The following AGAP1 variants were observed in gnomAD, a reference collection of about 807,000 sequenced individuals.
AGAP1 encodes the protein ArfGAP with GTPase domain, ankyrin repeat and PH domain 1.
AGAP1 carries 29 observed loss-of-function variants against 105.3 expected under a neutral mutation model. The observed-to-expected ratio is 0.28, with a 90% CI of 0.21 to 0.38. The LOEUF (loss-of-function observed/expected upper bound fraction) is 0.38. Among genes scored for constraint, AGAP1 ranks in the 10% least tolerant of loss-of-function variants. AGAP1 has a pLI of 1.00. For missense variants in AGAP1, 998 were observed against 1,165.1 expected (o/e 0.86, Z 2.09); for synonymous variants, 509 against 485.9 (o/e 1.05, Z -0.63).
chr2:235,684,035 CTTTT>C (rs139577153), intron 1 of AGAP1, among the ~76,000 whole-genome samples: 5,582 of 151,866 alleles, frequency 0.037, 272 homozygotes, highest in African/African-American at 0.1. Flanking sequence ...TGAACTCATC[CTTTT>C]TTTGTTTGTT....
intron 1 of AGAP1, among the ~76,000 whole-genome samples, chr2:235,661,242 G>A (rs1947938511): frequency 1.3e-5 from 2 of 152,094 alleles, no homozygotes; most frequent in Non-Finnish European, 2.9e-5. Context: ...GCGGAGGAGA[G>A]GCTTTTGTTG....
chr2:235,530,123 C>T (rs1246605381), intron 1 of AGAP1, among the ~76,000 whole-genome samples: 1 of 152,106 alleles, frequency 6.6e-6, no homozygotes, highest in Admixed American at 6.5e-5. Context: ...CAGTAAAACT[C>T]CCCGTAGGAC....
intron 16 of AGAP1, among the ~76,000 whole-genome samples, chr2:236,102,598 A>G (rs560162817): frequency 1.6e-4 from 22 of 135,716 alleles, no homozygotes; most frequent in South Asian, 4.5e-4. Flanking sequence ...AAAAAAAAAA[A>G]AAAGAAAGAA....
rs926674372 is a variant in AGAP1, at chr2:235,951,468, A to T, written c.1484-16994A>T. ...CTCTTACTTGCCCAAAGCTTAGTCA[A>T]AATTATGAGATTTCCTCTGAACTTT... On this transcript the variant is annotated intron_variant, in intron 12 of 17. Coordinates refer to ENST00000304032, the MANE Select transcript of AGAP1 (RefSeq NM_001037131.3). This position sits in a 1 kb window ranked among gnomAD's most constrained non-coding sequence, Gnocchi z 4.2. 6.6e-6 allele frequency among the ~76,000 whole-genome samples: 1 copy of T among 152,198 alleles called. No homozygotes were observed. The highest frequency in any genetic ancestry group is 2.4e-5 in the African/African-American group (1 of 41,446).
rs1309676910 is a variant in AGAP1 at position 236,080,185 on chromosome 2, A to C, written c.2114+30904A>C. Among the ~76,000 whole-genome samples, 1 of 152,192 alleles carries C rather than the reference A, an allele frequency of 6.6e-6. No individual in the cohort carries two copies. The highest frequency in any genetic ancestry group is 1.9e-4 in the East Asian group (1 of 5,186). On this transcript the variant is annotated intron_variant, in intron 16 of 17. Transcript: ENST00000304032. The surrounding 1 kb of genome is among the most constrained non-coding windows in gnomAD (Gnocchi z 4.2). ...TGCTCTGGAGGGAGATGCTATCTCCATCATCCAAGGCTGTTTCCTGTGCAT... is the reference window on the plus strand; with the variant it reads ...TGCTCTGGAGGGAGATGCTATCTCCCTCATCCAAGGCTGTTTCCTGTGCAT...
rs1157094808 is a variant in AGAP1, at chr2:235,712,633, T to G, written c.222+3396T>G. Among the ~76,000 whole-genome samples, 6 of 152,226 alleles carry G rather than the reference T, an allele frequency of 3.9e-5. No homozygotes were observed. Among genetic ancestry groups the G allele is most frequent in the Non-Finnish European group, 8.8e-5 (6 of 68,030 alleles). ...AAATCAGTTTAGGAAGACATTGCAT[T>G]CCCTTTGGCCTTGTGATGTGAAGGG... On this transcript the variant is annotated intron_variant, in intron 2 of 17. Transcript: ENST00000304032. This position sits in a 1 kb window ranked among gnomAD's most constrained non-coding sequence, Gnocchi z 6.0.
chr2:235,722,236 A>G (rs192477799), intron 3 of AGAP1, among the ~76,000 whole-genome samples: 451 of 152,278 alleles, frequency 3.0e-3, no homozygotes, highest in African/African-American at 0.01. Context: ...AAGTACCACA[A>G]ACTGGCTTAA....
In AGAP1 at chr2:235,927,827, C is replaced by T. The variant is rs1361949651; in HGVS notation, c.1325-2938C>T. Among the ~76,000 whole-genome samples, 2 of 152,188 alleles carry T rather than the reference C, an allele frequency of 1.3e-5. No homozygotes were observed. The highest frequency in any genetic ancestry group is 2.9e-5 in the Non-Finnish European group (2 of 68,034). On this transcript the variant is annotated intron_variant, in intron 11 of 17. Transcript: ENST00000304032. The surrounding 1 kb of genome is among the most constrained non-coding windows in gnomAD (Gnocchi z 4.4). The stretch of plus-strand genomic sequence containing the variant: ...GCTCTATTGAGTGCCATGTTGTCAT[C>T]GTTGTCCCAAAGATGGAGGGACAGA...
intron 1 of AGAP1, among the ~76,000 whole-genome samples, chr2:235,538,460 T>TGTGTGTGTGTGTGTGTGTGTGTGTGTGC (rs1553561884): frequency 6.6e-6 from 1 of 150,446 alleles, no homozygotes; most frequent in African/African-American, 2.5e-5. Context: ...TGTGTGTGTG[T>TGTGTGTGTGTGTGTGTGTGTGTGTGTGC]GCATGCTTGT....
chr2:235,853,965 C>A (rs193266662), intron 9 of AGAP1, among the ~76,000 whole-genome samples: 1 of 152,048 alleles, frequency 6.6e-6, no homozygotes, highest in East Asian at 1.9e-4. Flanking sequence ...CCATACCTAA[C>A]AATTCCAAGT....
At chr2:235,704,353 A>G (rs542909781) in intron 1 of AGAP1, among the ~76,000 whole-genome samples, 1 of 152,330 alleles carries the variant, frequency 6.6e-6, no homozygotes, top group African/African-American at 2.4e-5. Context: ...AGCTTGTTAG[A>G]AATGCTGATT....
In AGAP1 at chr2:235,778,608, G is replaced by A. The variant is rs114421975; in HGVS notation, c.674-19151G>A. On this transcript the variant is annotated intron_variant, in intron 6 of 17. Coordinates refer to ENST00000304032, the MANE Select transcript of AGAP1 (RefSeq NM_001037131.3). ...TCCTCCCTAGTTCAGTTCTGAGGTC[G>A]GAATTCCCGGCTACCATGTGGCTCC... Among the ~76,000 whole-genome samples the A allele has an allele frequency of 5.9e-3, 893 of 152,264 alleles. 11 individuals carry two copies. The highest frequency in any genetic ancestry group is 0.02 in the African/African-American group (843 of 41,550).
chr2:236,018,727 G>A (rs2056790443), intron 13 of AGAP1, among the ~76,000 whole-genome samples: 1 of 152,184 alleles, frequency 6.6e-6, no homozygotes, highest in South Asian at 2.1e-4. Flanking sequence ...CTTGCATCCA[G>A]GTGTTAGCCA....
rs1205771315 is a variant in AGAP1 at position 235,589,189 on chromosome 2, G to GTTTTTTTTTTTTTTTTTTTTTTTTTTTT, written c.163+94344_163+94345insTTTTTTTTTTTTTTTTTTTTTTTTTTTT. The stretch of plus-strand genomic sequence containing the variant: ...GAGAACTACCAGTTAATAGCTTATT[G>GTTTTTTTTTTTTTTTTTTTTTTTTTTTT]TTTTGTTTTTTTTTTTTTTTTTTTT... On this transcript the variant is annotated intron_variant, in intron 1 of 17. Transcript: ENST00000304032. Among the ~76,000 whole-genome samples, 2 of 54,926 alleles carry GTTTTTTTTTTTTTTTTTTTTTTTTTTTT rather than the reference G, an allele frequency of 3.6e-5. 1 individual carries two copies. The highest frequency in any genetic ancestry group is 8.6e-5 in the Non-Finnish European group (2 of 23,254). The allele number at this position is 54,926 out of a possible 152,430, so 36.0% of individuals were successfully genotyped here. A position where few individuals can be genotyped will look rare whatever the true frequency, so the allele number is the denominator to read the frequency against.
At chr2:236,054,480 T>TAAAA (rs10560456) in intron 16 of AGAP1, among the ~76,000 whole-genome samples, 4 of 112,810 alleles carry the variant, frequency 3.5e-5, no homozygotes, top group African/African-American at 9.4e-5. Context: ...TTTTCTTTCT[T>TAAAA]AAAAAAAAAA....
intron 9 of AGAP1, among the ~76,000 whole-genome samples, chr2:235,809,821 A>G (rs1958034918): frequency 6.6e-6 from 1 of 152,194 alleles, no homozygotes; most frequent in African/African-American, 2.4e-5. Flanking sequence ...CCTGATGGCC[A>G]TATTCTAGAA....
At position 236,040,981 on chromosome 2, in the gene AGAP1, T is replaced by G; in HGVS notation, c.1891+140T>G. 2 of 815,324 alleles carry G rather than the reference T, an allele frequency of 2.5e-6. No homozygotes were observed. The highest frequency in any genetic ancestry group is 3.9e-6 in the Non-Finnish European group (2 of 515,934). The allele number at this position is 815,324 out of a possible 1,614,324, so 50.5% of individuals were successfully genotyped here. A position where few individuals can be genotyped will look rare whatever the true frequency, so the allele number is the denominator to read the frequency against. ...ACTGCTTTTAGGAAATTGAGATATT[T>G]TGTTTGGATTTTACCTTAACAGAGT... is the stretch of plus-strand genomic sequence containing the variant. On this transcript the variant is annotated intron_variant, in intron 15 of 17. Coordinates refer to ENST00000304032, the MANE Select transcript of AGAP1 (RefSeq NM_001037131.3). The surrounding 1 kb of genome is among the most constrained non-coding windows in gnomAD (Gnocchi z 5.6).
rs1228073828 is a variant in AGAP1 at position 235,747,405 on chromosome 2, C to T, written c.538+2566C>T. On this transcript the variant is annotated intron_variant, in intron 5 of 17. Transcript: ENST00000304032. This position sits in a 1 kb window ranked among gnomAD's most constrained non-coding sequence, Gnocchi z 5.0. ...GGAGTGTGTGCGTGTGCGAGGGTGG[C>T]CTCTGGGGTTGGGAGGTAAGTCAGC... Among the ~76,000 whole-genome samples the T allele has an allele frequency of 6.6e-6, 1 of 152,132 alleles. No homozygotes were observed. Among genetic ancestry groups the T allele is most frequent in the Non-Finnish European group, 1.5e-5 (1 of 68,020 alleles).
At chr2:235,839,341 C>G (rs540971742) in intron 9 of AGAP1, among the ~76,000 whole-genome samples, 2 of 152,200 alleles carry the variant, frequency 1.3e-5, no homozygotes, top group Non-Finnish European at 1.5e-5. Context: ...GCACACACTC[C>G]GTCCACGGAG....
Sources: gnomAD v4.1 joint callset for allele counts (sites outside exome capture counted in the v4.1 genomes callset) on GRCh38, gnomAD v4.1.1 for gene constraint, Gnocchi (gnomAD v3.1) non-coding constraint, MANE v1.5 for transcripts, NCBI Gene and HGNC (gene_info 2026-07-23, HGNC 2026-07-21) for gene names.